FTO: variants seen among roughly 807,000 people sequenced by gnomAD.
FTO encodes FTO alpha-ketoglutarate dependent dioxygenase.
FTO carries 47 observed loss-of-function variants against 63.9 expected under a neutral mutation model. The observed-to-expected ratio is 0.74, with a 90% confidence interval of 0.58 to 0.94. The LOEUF (loss-of-function observed/expected upper bound fraction) is 0.94, where lower values mean the gene tolerates loss of function less well. FTO is among the 40% of genes least tolerant of loss of function. The pLI is 0.00. For missense variants in FTO, 562 were observed against 618.1 expected (o/e 0.91, Z 0.96); for synonymous variants, 207 against 224.4 (o/e 0.92, Z 0.69).
intron 8 of FTO, among the ~76,000 whole-genome samples, chr16:53,942,506 C>G (rs1300443408): frequency 6.6e-6 from 1 of 152,194 alleles, no homozygotes; most frequent in Non-Finnish European, 1.5e-5. Context: ...GTTATAAAGA[C>G]AGCCCTGGGA....
At chr16:53,787,809 G>C (rs184007211) in intron 1 of FTO, among the ~76,000 whole-genome samples, 1 of 152,302 alleles carries the variant, frequency 6.6e-6, no homozygotes, top group South Asian at 2.1e-4. Flanking sequence ...GCAAATGAGC[G>C]TAGACTCCAT....
intron 8 of FTO, among the ~76,000 whole-genome samples, chr16:54,074,134 G>A (rs75298050): frequency 0.055 from 8,292 of 150,948 alleles, 270 homozygotes; most frequent in South Asian, 0.13. Context: ...GAAATTTGAC[G>A]TTATGAAGAT....
chr16:53,716,357 T>C (rs535810861), intron 1 of FTO, among the ~76,000 whole-genome samples: 12 of 152,180 alleles, frequency 7.9e-5, no homozygotes, highest in Non-Finnish European at 1.6e-4. Flanking sequence ...GGCATTTATG[T>C]ATAAATCAGT....
intron 2 of FTO, among the ~76,000 whole-genome samples, chr16:53,821,148 G>A (rs571958194): frequency 5.9e-5 from 9 of 152,242 alleles, no homozygotes; most frequent in African/African-American, 2.2e-4. Context: ...TTAATGGGGG[G>A]TGGGCAGGCG....
intron 8 of FTO, among the ~76,000 whole-genome samples, chr16:53,967,081 A>C (rs2083212523): frequency 6.6e-6 from 1 of 152,136 alleles, no homozygotes; most frequent in Admixed American, 6.5e-5. Flanking sequence ...AGCTTTGTTA[A>C]AATTCCGCTG....
At chr16:53,779,704 A>G (rs922511642) in intron 1 of FTO, among the ~76,000 whole-genome samples, 3 of 152,222 alleles carry the variant, frequency 2.0e-5, no homozygotes, top group Non-Finnish European at 4.4e-5. Context: ...AGTGTAACTC[A>G]TCTGAATAAT....
At position 54,112,110 on chromosome 16, in the gene FTO, A is replaced by T. The variant is rs1050549085; in HGVS notation, c.*195A>T. ...TAAAATGACCCTGTGTTATAGTCTG[A>T]TTTGGTGTTAAACAGGACCTTCTTC... On this transcript the variant is annotated 3_prime_UTR_variant, in exon 9 of 9. Transcript: ENST00000471389. 103 of 624,260 alleles carry T rather than the reference A, an allele frequency of 1.6e-4. 1 individual carries two copies. In the African/African-American group the frequency reaches 1.7e-3, roughly 10 times the overall value. 38.7% of individuals were successfully genotyped at this position (624,260 alleles called of 1,614,324 possible). A position where few individuals can be genotyped will look rare whatever the true frequency, so the allele number is the denominator to read the frequency against.
chr16:53,727,457 G>A (rs1362351176), intron 1 of FTO, among the ~76,000 whole-genome samples: 1 of 152,170 alleles, frequency 6.6e-6, no homozygotes, highest in African/African-American at 2.4e-5. Flanking sequence ...TTTTCCACAT[G>A]GTAGGGTTCA....
chr16:53,802,571 A>T (rs2078255572), intron 1 of FTO, among the ~76,000 whole-genome samples: 1 of 152,182 alleles, frequency 6.6e-6, no homozygotes, highest in Non-Finnish European at 1.5e-5. Context: ...TCCTTTGAAC[A>T]TCTTAAATCT....
At chr16:53,968,158 G>C (rs2083236881) in intron 8 of FTO, among the ~76,000 whole-genome samples, 1 of 152,102 alleles carries the variant, frequency 6.6e-6, no homozygotes, top group South Asian at 2.1e-4. Flanking sequence ...TAGGAACTTA[G>C]TAAATCCAGC....
intron 1 of FTO, among the ~76,000 whole-genome samples, chr16:53,744,437 T>A (rs2076600371): frequency 6.6e-6 from 1 of 152,206 alleles, no homozygotes; most frequent in African/African-American, 2.4e-5. Flanking sequence ...GCTTAGTATC[T>A]CTAGTTGACT....
intron 8 of FTO, among the ~76,000 whole-genome samples, chr16:54,007,532 G>A (rs543875199): frequency 3.9e-5 from 6 of 152,270 alleles, no homozygotes; most frequent in Non-Finnish European, 8.8e-5. Context: ...TAGATATAAA[G>A]GTATGTAAAA....
chr16:53,985,538 C>A (rs1381764618), intron 8 of FTO, among the ~76,000 whole-genome samples: 1 of 152,170 alleles, frequency 6.6e-6, no homozygotes, highest in Non-Finnish European at 1.5e-5. Flanking sequence ...GAGATTAGAG[C>A]ACTGTGTGTT....
intron 8 of FTO, among the ~76,000 whole-genome samples, chr16:54,076,055 C>T (rs906307397): frequency 3.7e-4 from 56 of 152,150 alleles, no homozygotes; most frequent in Admixed American, 3.4e-3. Context: ...TCCTCCAAGA[C>T]AAGCAGGACT....
intron 8 of FTO, among the ~76,000 whole-genome samples, chr16:54,016,061 T>C (rs1263272182): frequency 6.6e-6 from 1 of 152,160 alleles, no homozygotes; most frequent in Non-Finnish European, 1.5e-5. Flanking sequence ...TCATTTAATC[T>C]TCAAAGCAAC....
At chr16:53,992,971 G>A (rs1453394313) in intron 8 of FTO, 1 of 152,186 alleles carries the variant, frequency 6.6e-6, no homozygotes, top group African/African-American at 2.4e-5. Flanking sequence ...TAAAAGTTCT[G>A]TCTAGGACTG....
chr16:53,859,483 A>G (rs2080106828), intron 4 of FTO, among the ~76,000 whole-genome samples: 1 of 149,408 alleles, frequency 6.7e-6, no homozygotes, highest in Admixed American at 6.7e-5. Flanking sequence ...AATGATATAT[A>G]TATTTCATTA....
intron 8 of FTO, among the ~76,000 whole-genome samples, chr16:53,963,367 A>G (rs1261062033): frequency 1.3e-5 from 2 of 152,202 alleles, no homozygotes. Flanking sequence ...TTGTGTGGAC[A>G]GCACAGAGAA....
intron 2 of FTO, among the ~76,000 whole-genome samples, chr16:53,819,463 C>T (rs1382067084): frequency 2.6e-5 from 4 of 152,160 alleles, no homozygotes; most frequent in East Asian, 1.9e-4. Context: ...TGAGCCACCA[C>T]GCCCAGGCAG....
Sources: allele counts gnomAD v4.1 joint callset (sites outside exome capture counted in the v4.1 genomes callset), GRCh38; gene constraint gnomAD v4.1.1; transcripts MANE v1.5; gene names NCBI Gene and HGNC (gene_info 2026-07-23, HGNC 2026-07-21).